The following STPG2 variants were observed in gnomAD, a reference collection of about 807,000 sequenced individuals.
The protein encoded by STPG2 is sperm tail PG-rich repeat containing 2.
A neutral mutation model predicts 54.2 loss-of-function variants in STPG2; 56 were observed. The ratio of observed to expected loss-of-function variants is 1.03; its 90% CI spans 0.83 to 1.29. The LOEUF is 1.29. STPG2 is among the 50% of genes most tolerant of loss of function. The pLI, the probability that STPG2 is intolerant of heterozygous loss-of-function variation, is 0.00. For synonymous variants in STPG2, 200 were observed against 181.8 expected (o/e 1.10, Z -0.81); for missense variants, 596 against 544.9 (o/e 1.09, Z -0.93).
At chr4:97,616,759 T>G in intron 10 of STPG2, among the ~76,000 whole-genome samples, 1 of 152,252 alleles carries the variant, frequency 6.6e-6, no homozygotes, top group Middle Eastern at 3.4e-3. Context: ...GACTTGAAAT[T>G]TGTACAATAA....
intron 5 of STPG2, among the ~76,000 whole-genome samples, chr4:98,002,787 G>GTT (rs907350128): frequency 6.6e-6 from 1 of 151,910 alleles, no homozygotes; most frequent in Non-Finnish European, 1.5e-5. Context: ...TAATAACAGC[G>GTT]TTTTTTAAAG....
At chr4:98,064,865 A>G (rs2110102126) in intron 5 of STPG2, among the ~76,000 whole-genome samples, 1 of 152,262 alleles carries the variant, frequency 6.6e-6, no homozygotes, top group Middle Eastern at 3.4e-3. Context: ...TACATTCCAA[A>G]TTAAAAAATT....
intron 5 of STPG2, among the ~76,000 whole-genome samples, chr4:97,989,447 T>C (rs1395950136): frequency 6.6e-6 from 1 of 152,170 alleles, no homozygotes; most frequent in Non-Finnish European, 1.5e-5. Context: ...TGTTTTTTTC[T>C]ATACATATAT....
At chr4:97,533,626 T>C (rs1236718679) in intron 4 of STPG2, among the ~76,000 whole-genome samples, 2 of 152,142 alleles carry the variant, frequency 1.3e-5, no homozygotes, top group African/African-American at 4.8e-5. Context: ...TCATGATTAT[T>C]AGCATTATAG....
intron 9 of STPG2, among the ~76,000 whole-genome samples, chr4:97,754,152 T>C (rs1235543753): frequency 6.6e-6 from 1 of 152,094 alleles, no homozygotes; most frequent in African/African-American, 2.4e-5. Context: ...ACTGAGCTCT[T>C]GCACTAGGTT....
intron 5 of STPG2, among the ~76,000 whole-genome samples, chr4:98,039,626 G>A (rs1234757211): frequency 1.3e-5 from 2 of 151,182 alleles, no homozygotes; most frequent in Non-Finnish European, 3.0e-5. Flanking sequence ...TTACCATTGT[G>A]CAGTATATTC....
At chr4:97,877,100 A>T (rs1205258200) in intron 8 of STPG2, among the ~76,000 whole-genome samples, 9 of 152,228 alleles carry the variant, frequency 5.9e-5, no homozygotes, top group Non-Finnish European at 1.3e-4. Context: ...TGTGGTAATA[A>T]CATTTAAAAT....
At chr4:97,443,142 G>A (rs1181618465) in intron 4 of STPG2, among the ~76,000 whole-genome samples, 1 of 152,156 alleles carries the variant, frequency 6.6e-6, no homozygotes, top group African/African-American at 2.4e-5. Context: ...GAAATTTGGT[G>A]AGAATAGTGA....
At chr4:98,054,037 C>G (rs1057292110) in intron 5 of STPG2, among the ~76,000 whole-genome samples, 1 of 152,094 alleles carries the variant, frequency 6.6e-6, no homozygotes, top group African/African-American at 2.4e-5. Flanking sequence ...CTAAATCTTT[C>G]TCTGGTCTCT....
intron 4 of STPG2, among the ~76,000 whole-genome samples, chr4:97,527,577 G>A (rs1000394043): frequency 6.6e-6 from 1 of 152,188 alleles, no homozygotes; most frequent in African/African-American, 2.4e-5. Flanking sequence ...CTGCCACACT[G>A]TCTTCCACAA....
intron 4 of STPG2, among the ~76,000 whole-genome samples, chr4:97,488,035 CT>C (rs1323740243): frequency 6.6e-6 from 1 of 151,550 alleles, no homozygotes; most frequent in Admixed American, 6.6e-5. Context: ...ATCCCCTCCC[CT>C]CTTTCCTTTT....
At chr4:98,021,816 T>C (rs1262496625) in intron 5 of STPG2, among the ~76,000 whole-genome samples, 3 of 152,034 alleles carry the variant, frequency 2.0e-5, no homozygotes, top group Non-Finnish European at 2.9e-5. Context: ...TAAAGTCTCT[T>C]TTATCAGAGA....
chr4:97,467,334 T>A (rs1434104685), intron 4 of STPG2, among the ~76,000 whole-genome samples: 1 of 151,890 alleles, frequency 6.6e-6, no homozygotes, highest in East Asian at 1.9e-4. Flanking sequence ...GTAAAAAGCA[T>A]ATAAATTCTT....
chr4:98,097,944 A>G (rs1385505281), intron 5 of STPG2, among the ~76,000 whole-genome samples: 1 of 152,164 alleles, frequency 6.6e-6, no homozygotes, highest in Non-Finnish European at 1.5e-5. Context: ...AATGAAAGCT[A>G]TAAAACACTG....
At chr4:97,714,384 G>T (rs1351425269) in intron 9 of STPG2, among the ~76,000 whole-genome samples, 2 of 152,108 alleles carry the variant, frequency 1.3e-5, no homozygotes, top group African/African-American at 4.8e-5. Context: ...AGTATCTAAA[G>T]TTCCTTGTGG....
chr4:97,809,348 C>G (rs1019859696), intron 9 of STPG2, among the ~76,000 whole-genome samples: 1 of 151,900 alleles, frequency 6.6e-6, no homozygotes, highest in Non-Finnish European at 1.5e-5. Context: ...CTAAAGAAAC[C>G]CCCCCAAGAT....
rs1237741852 is a variant in STPG2, at chr4:97,943,918, T to C, written c.1023A>G (p.Arg341=). The change falls in exon 8 of 11, where the codon AGA becomes AGG. Residue 341 remains arginine, a synonymous_variant. Transcript: ENST00000295268. Reference sequence around the variant, plus strand: ...TTACCATATCTGGTACTTTCATAGTTCTTTTGGCTCTTGACAAGAAAGCAG... The same window carrying C: ...TTACCATATCTGGTACTTTCATAGTCCTTTTGGCTCTTGACAAGAAAGCAG... The part of the protein sequence containing the change: ...KYAAFLSRAK[R]TMKVPDMVIP... 6.3e-7 allele frequency: 1 copy of C among 1,586,088 alleles called. No individual in the cohort carries two copies. The highest frequency in any genetic ancestry group is 8.5e-7 in the Non-Finnish European group (1 of 1,171,244).
intron 4 of STPG2, among the ~76,000 whole-genome samples, chr4:97,542,535 G>C (rs188674755): frequency 1.3e-5 from 2 of 152,180 alleles, no homozygotes; most frequent in African/African-American, 4.8e-5. Context: ...CTGTAAACTA[G>C]TTCAACCATT....
intron 10 of STPG2, among the ~76,000 whole-genome samples, chr4:97,586,730 C>G (rs1040509691): frequency 2.6e-5 from 4 of 151,830 alleles, no homozygotes; most frequent in Non-Finnish European, 5.9e-5. Context: ...GAAAAATTAT[C>G]CTTCAGGAAT....
Sources: allele counts gnomAD v4.1 joint callset (sites outside exome capture counted in the v4.1 genomes callset), GRCh38; gene constraint gnomAD v4.1.1; transcripts MANE v1.5; gene names NCBI Gene and HGNC (gene_info 2026-07-23, HGNC 2026-07-21).